DLG2: variants seen among roughly 807,000 people sequenced by gnomAD.
The protein encoded by DLG2 is disks large homolog 2.
A neutral mutation model predicts 132.5 loss-of-function variants in DLG2; 45 were observed. That is an observed-to-expected ratio of 0.34 (90% CI 0.27 to 0.44). The LOEUF (loss-of-function observed/expected upper bound fraction) is 0.44, where lower values mean the gene tolerates loss of function less well. DLG2 is among the 20% of genes least tolerant of loss of function. The probability of loss-of-function intolerance (pLI) is 1.00; values close to 1 mark genes in which losing one functional copy is unlikely to be tolerated. For missense variants in DLG2, 1,045 were observed against 1,196.9 expected, an observed-to-expected ratio of 0.87 and a Z score of 1.87; for synonymous variants, 424 against 419.6, an observed-to-expected ratio of 1.01 and a Z score of -0.13.
At chr11:84,436,692 C>G (rs1483196433) in intron 7 of DLG2, among the ~76,000 whole-genome samples, 3 of 152,168 alleles carry the variant, frequency 2.0e-5, no homozygotes, top group East Asian at 1.9e-4. Flanking sequence ...TTAGGACTTA[C>G]AGGCCATTTT....
At chr11:84,565,172 T>C (rs1183593067) in intron 6 of DLG2, among the ~76,000 whole-genome samples, 1 of 152,166 alleles carries the variant, frequency 6.6e-6, no homozygotes. Flanking sequence ...GACCAGCTTG[T>C]CCATATACAC....
At chr11:84,788,440 T>C (rs966626867) in intron 6 of DLG2, among the ~76,000 whole-genome samples, 2 of 152,076 alleles carry the variant, frequency 1.3e-5, no homozygotes, top group African/African-American at 4.8e-5. Context: ...ATAATATCAA[T>C]CAGGGTAATA....
intron 7 of DLG2, among the ~76,000 whole-genome samples, chr11:84,379,717 G>T (rs1208681744): frequency 6.6e-6 from 1 of 151,788 alleles, no homozygotes. Flanking sequence ...ATTATTGAAA[G>T]TATCTTGCCA....
chr11:85,438,693 T>C (rs1218981155), intron 3 of DLG2, among the ~76,000 whole-genome samples: 2 of 152,220 alleles, frequency 1.3e-5, no homozygotes, highest in East Asian at 1.9e-4. Flanking sequence ...TGTATGTACA[T>C]GTATATCATG....
chr11:84,474,394 C>T (rs74402256), intron 7 of DLG2, among the ~76,000 whole-genome samples: 2,468 of 152,148 alleles, frequency 0.016, 77 homozygotes, highest in African/African-American at 0.056. Context: ...TATGACACTT[C>T]GCATTTCTCT....
chr11:84,067,497 A>C (rs1053838938), intron 10 of DLG2, among the ~76,000 whole-genome samples: 3 of 152,244 alleles, frequency 2.0e-5, no homozygotes, highest in African/African-American at 7.2e-5. Flanking sequence ...ATAGAAGCCA[A>C]AACCTTATTA....
chr11:84,048,667 G>T (rs1344967202), intron 11 of DLG2, among the ~76,000 whole-genome samples: 1 of 151,678 alleles, frequency 6.6e-6, no homozygotes, highest in East Asian at 1.9e-4. Flanking sequence ...ACAGTAAACG[G>T]TTGGGTGCCA....
chr11:83,538,026 T>G (rs1156680315), intron 20 of DLG2, among the ~76,000 whole-genome samples: 1 of 152,100 alleles, frequency 6.6e-6, no homozygotes, highest in Non-Finnish European at 1.5e-5. Context: ...AGATTTTGTG[T>G]TGATACAATT....
chr11:83,859,376 G>A (rs560469353), intron 16 of DLG2, among the ~76,000 whole-genome samples: 1 of 152,322 alleles, frequency 6.6e-6, no homozygotes, highest in East Asian at 1.9e-4. Flanking sequence ...CCAGGCTGAG[G>A]TGGTCTCAGA....
At chr11:84,614,766 A>C (rs1254106555) in intron 6 of DLG2, among the ~76,000 whole-genome samples, 3 of 152,184 alleles carry the variant, frequency 2.0e-5, no homozygotes, top group African/African-American at 7.2e-5. Context: ...TTATAAGATG[A>C]AGAATGCTAT....
At chr11:85,114,664 T>G (rs2073285991) in intron 5 of DLG2, among the ~76,000 whole-genome samples, 1 of 152,006 alleles carries the variant, frequency 6.6e-6, no homozygotes, top group Admixed American at 6.6e-5. Flanking sequence ...CTTTAGAATC[T>G]TGACATATTT....
At chr11:83,787,312 G>GTATTTTTT (rs2040216504) in intron 17 of DLG2, among the ~76,000 whole-genome samples, 1 of 69,616 alleles carries the variant, frequency 1.4e-5, no homozygotes, top group African/African-American at 7.2e-5. Context: ...CTTAAGCCTT[G>GTATTTTTT]TTTTTTTTTT....
At chr11:85,111,821 G>T in intron 5 of DLG2, 86 bp from the exon 6 acceptor site, 1 of 981,640 alleles carries the variant, frequency 1.0e-6, no homozygotes, top group Non-Finnish European at 1.5e-6. Flanking sequence ...TTATCAATAT[G>T]TTTATTACCT....
chr11:85,096,512 G>A (rs1332942974), intron 6 of DLG2, among the ~76,000 whole-genome samples: 1 of 151,470 alleles, frequency 6.6e-6, no homozygotes, highest in Non-Finnish European at 1.5e-5. Flanking sequence ...AGAAACTCCA[G>A]GCACCTCTGA....
chr11:84,348,187 A>T (rs1189683390), intron 7 of DLG2, among the ~76,000 whole-genome samples: 2 of 152,180 alleles, frequency 1.3e-5, no homozygotes, highest in African/African-American at 4.8e-5. Flanking sequence ...CCTGTACCTA[A>T]GGTAAATAAT....
At chr11:84,873,003 C>G (rs2085724660) in intron 6 of DLG2, among the ~76,000 whole-genome samples, 1 of 152,186 alleles carries the variant, frequency 6.6e-6, no homozygotes, top group East Asian at 1.9e-4. Context: ...ATTGTTACAT[C>G]TATTTCACAT....
chr11:85,374,298 T>C (rs903715370), intron 3 of DLG2, among the ~76,000 whole-genome samples: 4 of 152,142 alleles, frequency 2.6e-5, no homozygotes, highest in African/African-American at 9.7e-5. Flanking sequence ...GCACTGGTAG[T>C]TATGACATCC....
intron 5 of DLG2, among the ~76,000 whole-genome samples, chr11:85,150,323 G>T (rs375425348): frequency 2.0e-5 from 3 of 151,832 alleles, no homozygotes; most frequent in Non-Finnish European, 2.9e-5. Flanking sequence ...CCCGGCCTCC[G>T]TTTTTAAATT....
intron 18 of DLG2, among the ~76,000 whole-genome samples, chr11:83,638,175 C>A (rs186635439): frequency 6.6e-6 from 1 of 152,222 alleles, no homozygotes; most frequent in East Asian, 1.9e-4. Flanking sequence ...TATATGATAA[C>A]CCATTTTCTC....
Sources: allele counts gnomAD v4.1 joint callset (sites outside exome capture counted in the v4.1 genomes callset), GRCh38; gene constraint gnomAD v4.1.1; transcripts MANE v1.5; gene names NCBI Gene and HGNC (gene_info 2026-07-23, HGNC 2026-07-21).